SYN3: variants seen among roughly 807,000 people sequenced by gnomAD.
SYN3 encodes synapsin-3.
Under a neutral mutation model 65.8 loss-of-function variants are expected in SYN3, and 35 were observed. That is an observed-to-expected ratio of 0.53 (90% CI 0.41 to 0.70). The LOEUF (loss-of-function observed/expected upper bound fraction) is 0.70, where lower values mean the gene tolerates loss of function less well. Among genes scored for constraint, SYN3 ranks in the 30% least tolerant of loss-of-function variants. The pLI is 0.00. For synonymous variants in SYN3, 270 were observed against 292.9 expected, an observed-to-expected ratio of 0.92 and a Z score of 0.80; for missense variants, 680 against 749.0, an observed-to-expected ratio of 0.91 and a Z score of 1.08.
intron 6 of SYN3, among the ~76,000 whole-genome samples, chr22:32,661,618 T>G (rs1456746759): frequency 6.6e-6 from 1 of 152,170 alleles, no homozygotes; most frequent in East Asian, 1.9e-4. Flanking sequence ...ACAGCTGCCC[T>G]AGAGCACTGT....
At chr22:32,652,153 A>T (rs2060080165) in intron 6 of SYN3, among the ~76,000 whole-genome samples, 1 of 152,200 alleles carries the variant, frequency 6.6e-6, no homozygotes, top group Non-Finnish European at 1.5e-5. Context: ...TCATCAAAAT[A>T]ATTAAATTGG....
chr22:32,755,444 G>A (rs1247452854), intron 6 of SYN3, among the ~76,000 whole-genome samples: 2 of 152,124 alleles, frequency 1.3e-5, no homozygotes, highest in African/African-American at 4.8e-5. Flanking sequence ...CTGGTCCAAG[G>A]GGCTCCCATG....
intron 12 of SYN3, chr22:32,519,622 C>T (rs1291229341): frequency 1.3e-5 from 2 of 152,192 alleles, no homozygotes; most frequent in African/African-American, 4.8e-5. Context: ...GGCATCTAAG[C>T]TTGGGGATGT....
At chr22:32,787,808 C>T (rs1255635347) in intron 6 of SYN3, among the ~76,000 whole-genome samples, 1 of 152,078 alleles carries the variant, frequency 6.6e-6, no homozygotes, top group African/African-American at 2.4e-5. Flanking sequence ...CGCTGCGGCA[C>T]ACCTCCCCGA....
intron 4 of SYN3, among the ~76,000 whole-genome samples, chr22:32,884,828 G>A (rs1374837138): frequency 6.6e-6 from 1 of 152,108 alleles, no homozygotes; most frequent in Non-Finnish European, 1.5e-5. Flanking sequence ...AGTGAGCCAA[G>A]ATCACGCCAC....
intron 7 of SYN3, among the ~76,000 whole-genome samples, chr22:32,575,832 A>C (rs557360951): frequency 1.3e-5 from 2 of 152,234 alleles, no homozygotes; most frequent in South Asian, 2.1e-4. Flanking sequence ...AAGAGGAGCT[A>C]TATTAAAAAA....
intron 7 of SYN3, among the ~76,000 whole-genome samples, chr22:32,581,358 C>G (rs2058939344): frequency 6.6e-6 from 1 of 152,246 alleles, no homozygotes; most frequent in Admixed American, 6.5e-5. Flanking sequence ...ATCGGCCCGC[C>G]TTGGCATCCC....
At chr22:32,595,695 G>A (rs942336486) in intron 7 of SYN3, among the ~76,000 whole-genome samples, 1 of 152,134 alleles carries the variant, frequency 6.6e-6, no homozygotes. Context: ...GGGCCTGGTG[G>A]GAGGTGATTG....
At chr22:32,597,764 C>T (rs3788464) in intron 6 of SYN3, among the ~76,000 whole-genome samples, 8,163 of 152,146 alleles carry the variant, frequency 0.054, 513 homozygotes, top group East Asian at 0.27. Context: ...TCCTAGAACA[C>T]GGCCTGATCC....
At chr22:32,958,680 G>C (rs2051545097) in intron 3 of SYN3, among the ~76,000 whole-genome samples, 1 of 152,158 alleles carries the variant, frequency 6.6e-6, no homozygotes. Flanking sequence ...CAGTAACCTG[G>C]TGAGACAGGC....
chr22:32,650,227 CTCT>C, intron 6 of SYN3, among the ~76,000 whole-genome samples: 1 of 102,254 alleles, frequency 9.8e-6, no homozygotes. Flanking sequence ...CTCTCTCTCT[CTCT>C]CTCCCTCCCT....
In SYN3 at chr22:32,602,978, C is replaced by CTT. The variant is rs71184599; in HGVS notation, c.712-6244_712-6243dup. On this transcript the variant is annotated intron_variant, in intron 6 of 13. Transcript: ENST00000358763. Reference sequence around the variant, plus strand: ...AGAACCAGCAGAATTTGGAGACATTCTTTTTTTTTTTTTTGAGATGGAGTC... The same window carrying CTT: ...AGAACCAGCAGAATTTGGAGACATTCTTTTTTTTTTTTTTTTGAGATGGAGTC... Among the ~76,000 whole-genome samples the CTT allele has an allele frequency of 1.7e-4, 25 of 143,394 alleles. 1 individual carries two copies. In the South Asian group the frequency reaches 1.8e-3, roughly 10 times the overall value. 94.1% of individuals were successfully genotyped at this position (143,394 alleles called of 152,430 possible).
intron 6 of SYN3, among the ~76,000 whole-genome samples, chr22:32,610,237 C>T (rs193020658): frequency 1.3e-5 from 2 of 152,142 alleles, no homozygotes; most frequent in Admixed American, 1.3e-4. Flanking sequence ...GCCAAGATTG[C>T]ACCGCTGCAC....
At chr22:32,549,136 C>G (rs972176699) in intron 7 of SYN3, among the ~76,000 whole-genome samples, 5 of 152,124 alleles carry the variant, frequency 3.3e-5, no homozygotes, top group African/African-American at 1.2e-4. Context: ...ACAGCTGCAT[C>G]CATGGTGCTC....
intron 6 of SYN3, among the ~76,000 whole-genome samples, chr22:32,733,647 G>T (rs757248998): frequency 1.3e-5 from 2 of 152,204 alleles, no homozygotes; most frequent in Non-Finnish European, 2.9e-5. Flanking sequence ...TCCAGTGTCT[G>T]GCAGAGGGGT....
At chr22:32,893,832 C>T (rs973507541) in intron 4 of SYN3, among the ~76,000 whole-genome samples, 3 of 152,138 alleles carry the variant, frequency 2.0e-5, no homozygotes, top group African/African-American at 7.2e-5. Flanking sequence ...CTGTCCCTTG[C>T]TGGGCTTCAC....
intron 6 of SYN3, among the ~76,000 whole-genome samples, chr22:32,782,257 G>A (rs192217948): frequency 5.9e-5 from 9 of 151,980 alleles, no homozygotes; most frequent in Non-Finnish European, 1.3e-4. Flanking sequence ...TAATAGAGAC[G>A]GGGTTTTACC....
chr22:32,673,150 G>A (rs1001310032), intron 6 of SYN3, among the ~76,000 whole-genome samples: 1 of 152,328 alleles, frequency 6.6e-6, no homozygotes, highest in East Asian at 1.9e-4. Flanking sequence ...GGATGAAGTA[G>A]GTTTCTTGGG....
At chr22:33,013,990 A>C (rs1336957727) in intron 1 of SYN3, among the ~76,000 whole-genome samples, 2 of 150,764 alleles carry the variant, frequency 1.3e-5, no homozygotes, top group Non-Finnish European at 2.9e-5. Context: ...CTGCAGCCTC[A>C]ACCTCCCAGG....
Sources: gnomAD v4.1 joint callset for allele counts (sites outside exome capture counted in the v4.1 genomes callset) on GRCh38, gnomAD v4.1.1 for gene constraint, MANE v1.5 for transcripts, NCBI Gene and HGNC (gene_info 2026-07-23, HGNC 2026-07-21) for gene names.